TENM4: variants seen among roughly 807,000 people sequenced by gnomAD.
TENM4 encodes the protein teneurin-4.
A neutral mutation model predicts 243.3 loss-of-function variants in TENM4; 82 were observed. The observed-to-expected ratio is 0.34, with a 90% CI of 0.28 to 0.40. TENM4 has a LOEUF of 0.40. TENM4 is among the 10% of genes least tolerant of loss of function. TENM4 has a pLI of 1.00. For missense variants in TENM4, 3,138 were observed against 3,673.3 expected (o/e 0.85, Z 3.77); for synonymous variants, 1,412 against 1,456.3 (o/e 0.97, Z 0.69).
chr11:79,230,291 A>T (rs1163761160), intron 2 of TENM4, among the ~76,000 whole-genome samples: 1 of 152,176 alleles, frequency 6.6e-6, no homozygotes, highest in African/African-American at 2.4e-5. Context: ...GCTGGAAGAG[A>T]CATACGGTGT....
chr11:78,749,601 G>A (rs866461371), intron 19 of TENM4, among the ~76,000 whole-genome samples: 5 of 152,126 alleles, frequency 3.3e-5, no homozygotes, highest in East Asian at 1.9e-4. Flanking sequence ...TGCCACTGAC[G>A]CTTGCATATG....
intron 6 of TENM4, among the ~76,000 whole-genome samples, chr11:78,996,192 C>A (rs763691313): frequency 4.6e-5 from 7 of 152,152 alleles, no homozygotes; most frequent in Admixed American, 2.0e-4. Flanking sequence ...GGCCCTGTGA[C>A]TACTTTAACT....
chr11:79,203,047 A>T (rs113987060), intron 3 of TENM4, among the ~76,000 whole-genome samples: 10 of 152,292 alleles, frequency 6.6e-5, no homozygotes, highest in South Asian at 2.1e-4. Flanking sequence ...GCTAGTAAAC[A>T]GCAAAACTGG....
Position 78,702,344 on chromosome 11 carries a change from G to A in TENM4, c.4269C>T (p.Val1423=). Residue 1423 remains valine (V), a synonymous_variant, in exon 28 of 34, where the codon GTC becomes GTT. Transcript: ENST00000278550. ...AINPMDNSLY[V]LDNNVVLQIS... ...TTTGCAGGACCACATTGTTGTCGAG[G>A]ACATAAAGTGAGTTGTCCATTGGGT... 1 of 1,614,008 alleles carries A rather than the reference G, an allele frequency of 6.2e-7. No individual in the cohort carries two copies. Among genetic ancestry groups the A allele is most frequent in the Non-Finnish European group, 8.5e-7 (1 of 1,179,894 alleles).
At chr11:78,672,728 A>G (rs1040998277) in intron 30 of TENM4, among the ~76,000 whole-genome samples, 4 of 152,108 alleles carry the variant, frequency 2.6e-5, no homozygotes, top group Non-Finnish European at 4.4e-5. Flanking sequence ...AAACTGACCC[A>G]TCTCTTCCAC....
intron 18 of TENM4, among the ~76,000 whole-genome samples, chr11:78,766,698 C>T (rs1237932147): frequency 3.6e-5 from 4 of 110,102 alleles, no homozygotes; most frequent in African/African-American, 1.4e-4. Context: ...TACTGTTCGG[C>T]TCCCCCAATT....
At chr11:78,779,197 C>T (rs893734515) in intron 16 of TENM4, among the ~76,000 whole-genome samples, 1 of 152,226 alleles carries the variant, frequency 6.6e-6, no homozygotes, top group Non-Finnish European at 1.5e-5. Flanking sequence ...ATCTGTTTGC[C>T]ATTCTTGAAT....
At chr11:79,033,211 C>A (rs537257790) in intron 6 of TENM4, among the ~76,000 whole-genome samples, 1 of 152,070 alleles carries the variant, frequency 6.6e-6, no homozygotes, top group Non-Finnish European at 1.5e-5. Flanking sequence ...ACTGCGAGAT[C>A]CATCCCTAGT....
chr11:79,350,949 T>C (rs1203866200), intron 1 of TENM4, among the ~76,000 whole-genome samples: 1 of 152,106 alleles, frequency 6.6e-6, no homozygotes, highest in Non-Finnish European at 1.5e-5. Context: ...CTATGTGGCC[T>C]GACCCCTCCC....
At chr11:79,240,865 T>C (rs968015503) in intron 2 of TENM4, among the ~76,000 whole-genome samples, 1 of 152,194 alleles carries the variant, frequency 6.6e-6, no homozygotes, top group Admixed American at 6.5e-5. Flanking sequence ...TCCCGGAAAA[T>C]CACCTATCTT....
rs72935375 is a variant in TENM4, at chr11:79,161,561, C to T, written c.-162-12755G>A. 2.1e-3 allele frequency among the ~76,000 whole-genome samples: 315 copies of T among 152,228 alleles called. 1 individual carries two copies. The highest frequency in any genetic ancestry group is 3.9e-3 in the Non-Finnish European group (264 of 67,992). On this transcript the variant is annotated intron_variant, in intron 3 of 33. Coordinates refer to ENST00000278550, the MANE Select transcript of TENM4 (RefSeq NM_001098816.3). ...GGGTGGAGACTGCAGTGATGTGTGT[C>T]CCCAGGCCAAGGAGTGCTGTGGAGT...
intron 14 of TENM4, among the ~76,000 whole-genome samples, chr11:78,811,238 A>T (rs1234414062): frequency 6.6e-6 from 1 of 152,146 alleles, no homozygotes; most frequent in African/African-American, 2.4e-5. Context: ...GCTACTTTAC[A>T]TTGCTTGCGA....
intron 5 of TENM4, among the ~76,000 whole-genome samples, chr11:79,066,593 AGCACACACGCGCGTGCACACACACGT>A (rs1565189568): frequency 6.6e-6 from 1 of 150,984 alleles, no homozygotes; most frequent in Non-Finnish European, 1.5e-5. Context: ...CATGCACACA[AGCACACACGCGCGTGCACACACACGT>A]GCGCACACAC....
intron 9 of TENM4, among the ~76,000 whole-genome samples, chr11:78,881,961 T>C (rs1855441083): frequency 6.6e-6 from 1 of 152,224 alleles, no homozygotes; most frequent in African/African-American, 2.4e-5. Flanking sequence ...AAGGAATCGA[T>C]CTTGGAGAGA....
intron 2 of TENM4, among the ~76,000 whole-genome samples, chr11:79,283,523 G>A (rs1856195941): frequency 6.6e-6 from 1 of 152,010 alleles, no homozygotes; most frequent in South Asian, 2.1e-4. Flanking sequence ...ATCCTTTTGT[G>A]ACAAAAAAAC....
chr11:79,180,624 T>A (rs566382956), intron 3 of TENM4, among the ~76,000 whole-genome samples: 11 of 151,512 alleles, frequency 7.3e-5, no homozygotes, highest in Non-Finnish European at 1.2e-4. Flanking sequence ...ATATATATAT[T>A]TTTATATTTG....
chr11:79,357,368 G>C (rs949974612), intron 1 of TENM4, among the ~76,000 whole-genome samples: 1 of 152,208 alleles, frequency 6.6e-6, no homozygotes, highest in East Asian at 1.9e-4. Flanking sequence ...TCTTACATCA[G>C]CCTGACTTGC....
chr11:79,236,907 G>T (rs1404076690), intron 2 of TENM4, among the ~76,000 whole-genome samples: 1 of 152,044 alleles, frequency 6.6e-6, no homozygotes, highest in African/African-American at 2.4e-5. Context: ...TGTGGCGTAG[G>T]CTCTGCTGTC....
intron 28 of TENM4, among the ~76,000 whole-genome samples, chr11:78,689,847 G>A (rs913639116): frequency 1.3e-5 from 2 of 152,224 alleles, no homozygotes; most frequent in Non-Finnish European, 2.9e-5. Flanking sequence ...ATTGGTAGAG[G>A]TCTTCTGAAT....
Sources: allele counts gnomAD v4.1 joint callset (sites outside exome capture counted in the v4.1 genomes callset), GRCh38; gene constraint gnomAD v4.1.1; transcripts MANE v1.5; gene names NCBI Gene and HGNC (gene_info 2026-07-23, HGNC 2026-07-21).